The following UGGT2 variants were observed in gnomAD, a reference collection of about 807,000 sequenced individuals.
UGGT2 encodes UDP-glucose:glycoprotein glucosyltransferase 2.
Under a neutral mutation model 192.1 loss-of-function variants are expected in UGGT2, and 180 were observed. The observed-to-expected ratio is 0.94, with a 90% CI of 0.83 to 1.06. The LOEUF (loss-of-function observed/expected upper bound fraction) is 1.06. Ranked by LOEUF, UGGT2 falls within the 50% of genes least tolerant of loss-of-function variation. The pLI is 0.00. For missense variants in UGGT2, 1,849 were observed against 1,795.7 expected, an observed-to-expected ratio of 1.03 and a Z score of -0.54; for synonymous variants, 580 against 591.0, an observed-to-expected ratio of 0.98 and a Z score of 0.27.
intron 5 of UGGT2, among the ~76,000 whole-genome samples, chr13:96,010,010 T>C (rs773495038): frequency 3.3e-5 from 5 of 151,942 alleles, no homozygotes; most frequent in African/African-American, 9.7e-5. Flanking sequence ...TCTGGTGAGG[T>C]TGCAGAAAAT....
At position 95,925,121 on chromosome 13, in the gene UGGT2, CTT is replaced by C. The variant is rs550226569; in HGVS notation, c.2295+557_2295+558del. The stretch of plus-strand genomic sequence containing the variant: ...CTTAAGTATTTTTTATCTAGATAAA[CTT>C]ATATATTAACTTAGAAATACAGACA... On this transcript the variant is annotated intron_variant, in intron 20 of 38. Transcript: ENST00000376747. Among the ~76,000 whole-genome samples the C allele has an allele frequency of 3.2e-3, 483 of 152,170 alleles. 2 individuals carry two copies. The highest frequency in any genetic ancestry group is 0.011 in the African/African-American group (456 of 41,516).
At chr13:95,845,862 T>C (rs7986815) in intron 36 of UGGT2, among the ~76,000 whole-genome samples, 58,793 of 148,374 alleles carry the variant, frequency 0.4, 11,626 homozygotes, top group Non-Finnish European at 0.42. Context: ...ACATCCCAGA[T>C]GATGGGCGGC....
chr13:96,016,512 G>C (rs1231424277), intron 4 of UGGT2, among the ~76,000 whole-genome samples: 1 of 152,262 alleles, frequency 6.6e-6, no homozygotes, highest in African/African-American at 2.4e-5. Context: ...GTAAAGCTCA[G>C]GTCACAGCTC....
intron 31 of UGGT2, 188 bp downstream of exon 31, chr13:95,863,441 T>C (rs1890347185): frequency 1.9e-6 from 1 of 518,440 alleles, no homozygotes. Context: ...TGTATAGTAT[T>C]TTATTTTCAT....
rs780604699 is a variant in UGGT2 at position 96,053,200 on chromosome 13, T to A, written c.113A>T (p.His38Leu). ...TVAASKSVTA[H>L]LAAKWPETPL... ...GGTCTCGGGCCACTTCGCGGCCAAG[T>A]GGGCAGTCACCGACTTGGACGCGGC... Residue 38 changes from histidine (H) to leucine (L), a missense_variant, in exon 1 of 39, where the codon CAC (histidine) becomes CTC (leucine). Transcript: ENST00000376747. The A allele has an allele frequency of 6.5e-7, 1 of 1,529,174 alleles. No individual in the cohort carries two copies. Among genetic ancestry groups the A allele is most frequent in the South Asian group, 1.2e-5 (1 of 82,608 alleles). The allele number at this position is 1,529,174 out of a possible 1,614,324, so 94.7% of individuals were successfully genotyped here. A position where few individuals can be genotyped will look rare whatever the true frequency, so the allele number is the denominator to read the frequency against.
intron 20 of UGGT2, among the ~76,000 whole-genome samples, chr13:95,909,144 C>T (rs1566676309): frequency 2.0e-5 from 3 of 152,042 alleles, no homozygotes; most frequent in Non-Finnish European, 4.4e-5. Flanking sequence ...AGGAAGGGAT[C>T]CAGTTTCAGC....
intron 28 of UGGT2, 88 bp downstream of exon 28, chr13:95,877,610 A>C: frequency 7.0e-7 from 1 of 1,428,796 alleles, no homozygotes; most frequent in Non-Finnish European, 9.4e-7. Context: ...CAGCAACAGC[A>C]GAATAAAGAT....
chr13:95,938,527 G>A (rs2049546057), intron 16 of UGGT2, among the ~76,000 whole-genome samples: 1 of 152,172 alleles, frequency 6.6e-6, no homozygotes, highest in South Asian at 2.1e-4. Context: ...AATGGAATTT[G>A]CACCCAGATC....
At chr13:95,903,650 T>A (rs2048179387) in intron 20 of UGGT2, among the ~76,000 whole-genome samples, 1 of 152,220 alleles carries the variant, frequency 6.6e-6, no homozygotes, top group Non-Finnish European at 1.5e-5. Flanking sequence ...TTTCTGTAGC[T>A]GTAGTCAATT....
intron 12 of UGGT2, among the ~76,000 whole-genome samples, chr13:95,962,992 T>C (rs2050448608): frequency 6.6e-6 from 1 of 152,086 alleles, no homozygotes; most frequent in Non-Finnish European, 1.5e-5. Context: ...TCAGATCTCA[T>C]AAGACTTATT....
At chr13:95,987,030 G>A (rs2051310260) in intron 8 of UGGT2, among the ~76,000 whole-genome samples, 1 of 152,096 alleles carries the variant, frequency 6.6e-6, no homozygotes, top group South Asian at 2.1e-4. Flanking sequence ...AGTCAGAAAA[G>A]ATTTAAAACT....
chr13:95,864,834 G>C (rs940624753), intron 30 of UGGT2, among the ~76,000 whole-genome samples: 1 of 151,946 alleles, frequency 6.6e-6, no homozygotes, highest in Non-Finnish European at 1.5e-5. Flanking sequence ...GATCTTCATT[G>C]TACTGGCAAA....
chr13:95,909,747 T>TATAATA (rs148389354), intron 20 of UGGT2, among the ~76,000 whole-genome samples: 4,410 of 109,240 alleles, frequency 0.04, 124 homozygotes, highest in African/African-American at 0.077. Context: ...AAACTTGAAG[T>TATAATA]ATAATAATAA....
chr13:96,006,220 A>C (rs187228320), intron 5 of UGGT2, among the ~76,000 whole-genome samples: 1 of 152,238 alleles, frequency 6.6e-6, no homozygotes, highest in Admixed American at 6.5e-5. Flanking sequence ...TTCATCACAC[A>C]TATTAAAACT....
intron 38 of UGGT2, among the ~76,000 whole-genome samples, chr13:95,829,835 C>G (rs958835253): frequency 1.3e-5 from 2 of 152,114 alleles, no homozygotes; most frequent in Non-Finnish European, 2.9e-5. Flanking sequence ...AATCCTAAGC[C>G]AAATGAACAA....
chr13:95,854,200 T>C (rs1889345225), intron 35 of UGGT2, 115 bp downstream of exon 35: 2 of 1,098,012 alleles, frequency 1.8e-6, no homozygotes, highest in East Asian at 2.5e-5. Context: ...CACTATGTAA[T>C]TGGTTGCTTT....
At chr13:95,904,030 T>C (rs574854260) in intron 20 of UGGT2, among the ~76,000 whole-genome samples, 1 of 152,286 alleles carries the variant, frequency 6.6e-6, no homozygotes, top group East Asian at 1.9e-4. Flanking sequence ...GCTTCCAGTA[T>C]TTTTTGGATT....
At chr13:95,988,685 G>C (rs534825831) in intron 8 of UGGT2, among the ~76,000 whole-genome samples, 1 of 152,148 alleles carries the variant, frequency 6.6e-6, no homozygotes, top group South Asian at 2.1e-4. Flanking sequence ...ATTTGTATTA[G>C]GTAGGTAAAG....
At chr13:95,985,414 CTATT>C (rs2051260089) in intron 9 of UGGT2, 1 of 392,520 alleles carries the variant, frequency 2.5e-6, no homozygotes, top group Non-Finnish European at 4.4e-6. Context: ...CAACCATGTA[CTATT>C]TATTTACTTT....
Sources: gnomAD v4.1 joint callset for allele counts (sites outside exome capture counted in the v4.1 genomes callset) on GRCh38, gnomAD v4.1.1 for gene constraint, MANE v1.5 for transcripts, NCBI Gene and HGNC (gene_info 2026-07-23, HGNC 2026-07-21) for gene names.